Variants in FCSK observed in about 807,000 individuals in gnomAD.
The protein encoded by FCSK is L-fucose kinase.
A neutral mutation model predicts 122.5 loss-of-function variants in FCSK; 123 were observed. The observed-to-expected ratio is 1.00, with a 90% CI of 0.87 to 1.17. The LOEUF (loss-of-function observed/expected upper bound fraction) is 1.17. FCSK is among the 50% of genes most tolerant of loss of function. The probability of loss-of-function intolerance (pLI) is 0.00; values close to 1 mark genes in which losing one functional copy is unlikely to be tolerated. For synonymous variants in FCSK, 620 were observed against 625.5 expected (o/e 0.99, Z 0.13); for missense variants, 1,366 against 1,450.4 (o/e 0.94, Z 0.95).
Position 70,455,582 on chromosome 16 carries a change from G to A in FCSK, c.-23+952G>A, listed in dbSNP as rs1239335837. On this transcript the variant is annotated intron_variant, in intron 1 of 23. Transcript: ENST00000288078. ...GACCTCTTGAGATTGTGTAACTCCA[G>A]CAAACTATTAATTAAAAAAAAAAAA... Among the ~76,000 whole-genome samples, 7 of 148,152 alleles carry A rather than the reference G, an allele frequency of 4.7e-5. No individual in the cohort carries two copies. In the East Asian group the frequency reaches 1.2e-3, roughly 25 times the overall value.
chr16:70,475,873 A>G lies in FCSK; in HGVS notation c.2641+106A>G, dbSNP rs1396908493. The G allele has an allele frequency of 2.6e-6, 3 of 1,174,942 alleles. No homozygotes were observed. In the Admixed American group the frequency reaches 9.4e-5, roughly 37 times the overall value. 72.8% of individuals were successfully genotyped at this position (1,174,942 alleles called of 1,614,324 possible). The stretch of plus-strand genomic sequence containing the variant: ...TGCATGTGATTGGCCAACAGCCACA[A>G]GACTGTGCTGCTGTTGGAAATACTT... On this transcript the variant is annotated intron_variant, in intron 20 of 23. Coordinates refer to ENST00000288078, the MANE Select transcript of FCSK (RefSeq NM_145059.3).
chr16:70,478,536 C>T lies in FCSK; in HGVS notation c.2830-15C>T. ...GCCTGGGTCCTCACCACCCCTTCTC[C>T]TGCCCCGTCCGCAGGATGTGCTGAG... is the stretch of plus-strand genomic sequence containing the variant. On this transcript the variant is annotated splice_polypyrimidine_tract_variant and intron_variant, in intron 21 of 23. Coordinates refer to ENST00000288078, the MANE Select transcript of FCSK (RefSeq NM_145059.3). 6.2e-7 allele frequency: 1 copy of T among 1,613,598 alleles called. No individual in the cohort carries two copies.
intron 3 of FCSK, among the ~76,000 whole-genome samples, chr16:70,464,386 T>C (rs1334128578): frequency 6.6e-6 from 1 of 152,070 alleles, no homozygotes; most frequent in East Asian, 1.9e-4. Context: ...GCGCGGTGGC[T>C]CATGCCTTTA....
At chr16:70,462,014 C>A (rs1023748987) in intron 1 of FCSK, among the ~76,000 whole-genome samples, 1 of 152,188 alleles carries the variant, frequency 6.6e-6, no homozygotes. Context: ...GCGGCCCATC[C>A]ATGCGAGGGA....
At chr16:70,466,288 G>A (rs377191931) in intron 5 of FCSK, 31 bp downstream of exon 5, 132 of 1,611,802 alleles carry the variant, frequency 8.2e-5, no homozygotes, top group Middle Eastern at 6.6e-4. Flanking sequence ...GTGGTGCCTC[G>A]TCCCAGATAG....
intron 10 of FCSK, among the ~76,000 whole-genome samples, chr16:70,469,548 T>TG (rs1226253145): frequency 6.6e-6 from 1 of 152,130 alleles, no homozygotes; most frequent in Non-Finnish European, 1.5e-5. Context: ...TTCTGTTTTT[T>TG]TTTGTTTGTT....
chr16:70,455,541 G>C (rs1393797063), intron 1 of FCSK, among the ~76,000 whole-genome samples: 1 of 151,600 alleles, frequency 6.6e-6, no homozygotes, highest in Non-Finnish European at 1.5e-5. Flanking sequence ...TAGGGCCTTA[G>C]GGCACACTTT....
rs375279552 is a variant in FCSK at position 70,466,309 on chromosome 16, C to T, written c.411+52C>T. 8.6e-5 allele frequency: 138 copies of T among 1,604,276 alleles called. 1 individual carries two copies. The African/African-American group carries it at 1.5e-3, about 18-fold the overall frequency. Reference sequence around the variant, plus strand: ...CCTCGTCCCAGATAGAGCCACTTCCCTCCCACTGTTCCCCCAGGTATGATC... The same window carrying T: ...CCTCGTCCCAGATAGAGCCACTTCCTTCCCACTGTTCCCCCAGGTATGATC... On this transcript the variant is annotated intron_variant, in intron 5 of 23. Coordinates refer to ENST00000288078, the MANE Select transcript of FCSK (RefSeq NM_145059.3).
chr16:70,478,389 T>A lies in FCSK; in HGVS notation c.2759T>A (p.Val920Asp). The A allele has an allele frequency of 3.7e-6, 6 of 1,614,188 alleles. No individual in the cohort carries two copies. The highest frequency in any genetic ancestry group is 5.1e-6 in the Non-Finnish European group (6 of 1,180,046). Residue 920 changes from valine to aspartate, a missense_variant, in exon 21 of 24, where the codon GTC (valine) becomes GAC (aspartate). Val to Asp is a radical substitution (Grantham distance 152). Transcript: ENST00000288078. ...GAGGTCACGGTGCCTGAGGGCTTTGTCCAGAAGCTCAATGACCACCTGCTC... is the reference window on the plus strand; with the variant it reads ...GAGGTCACGGTGCCTGAGGGCTTTGACCAGAAGCTCAATGACCACCTGCTC... ...VEEVTVPEGF[V>D]QKLNDHLLLV...
intron 3 of FCSK, 62 bp from the exon 4 acceptor site, chr16:70,465,064 G>T: frequency 6.2e-7 from 1 of 1,603,064 alleles, no homozygotes; most frequent in East Asian, 2.2e-5. Context: ...TGGATTCGAG[G>T]GTGCCATCCT....
chr16:70,470,991 C>T lies in FCSK; in HGVS notation c.1089C>T (p.Ala363=), dbSNP rs779769367. The T allele has an allele frequency of 3.9e-5, 62 of 1,595,068 alleles. No homozygotes were observed. Among genetic ancestry groups the T allele is most frequent in the East Asian group, 6.7e-5 (3 of 44,476 alleles). Residue 363 remains alanine (A), a synonymous_variant, in exon 12 of 24, where the codon GCC becomes GCT. Transcript: ENST00000288078. ...SQVEEQQLLA[A]GSSVVSCLLE... ...CACAGGAGCAGCAGCTTCTGGCGGCCGGGAGCTCTGTGGTCAGCTGCCTGC... is the reference window on the plus strand; with the variant it reads ...CACAGGAGCAGCAGCTTCTGGCGGCTGGGAGCTCTGTGGTCAGCTGCCTGC...
chr16:70,478,762 T>A, intron 22 of FCSK, 112 bp downstream of exon 22: 1 of 878,926 alleles, frequency 1.1e-6, no homozygotes, highest in Non-Finnish European at 1.8e-6. Context: ...ATATTCGGCC[T>A]CTGGGAACAG....
At chr16:70,466,760 TG>T in intron 5 of FCSK, 121 bp from the exon 6 acceptor site, 1 of 772,886 alleles carries the variant, frequency 1.3e-6, no homozygotes. Flanking sequence ...AGAGAGTGGG[TG>T]GGGGCAGACC....
intron 15 of FCSK, 96 bp from the exon 16 acceptor site, chr16:70,474,033 G>A: frequency 8.7e-7 from 1 of 1,147,944 alleles, no homozygotes; most frequent in Non-Finnish European, 1.2e-6. Context: ...GGTGTGAGGG[G>A]TCTGGCGCAT....
chr16:70,477,440 C>T (rs918243357), intron 20 of FCSK: 5 of 152,172 alleles, frequency 3.3e-5, no homozygotes, highest in African/African-American at 1.2e-4. Context: ...CCTTGGCCTC[C>T]CAAAGTGCTG....
At chr16:70,461,015 C>A (rs1400746135) in intron 1 of FCSK, among the ~76,000 whole-genome samples, 1 of 152,204 alleles carries the variant, frequency 6.6e-6, no homozygotes, top group African/African-American at 2.4e-5. Flanking sequence ...GGATCTCTAG[C>A]TGGAATTTCC....
chr16:70,472,960 A>G lies in FCSK; in HGVS notation c.1407-23A>G, dbSNP rs746320019. The G allele has an allele frequency of 3.8e-6, 6 of 1,587,134 alleles. No homozygotes were observed. In the Admixed American group the frequency reaches 1.1e-4, roughly 28 times the overall value. ...CTGGAGCTTTTGCTTCCCTCCTGGG[A>G]ATGTGCCTTCTCCCCACATCAGAGC... On this transcript the variant is annotated intron_variant, in intron 14 of 23. Transcript: ENST00000288078.
rs35217051 is a variant in FCSK at position 70,458,163 on chromosome 16, C to CT, written c.-23+3547dup. 7.7e-3 allele frequency among the ~76,000 whole-genome samples: 1,082 copies of CT among 140,320 alleles called. 15 individuals are homozygous for CT. Among genetic ancestry groups the CT allele is most frequent in the African/African-American group, 0.022 (862 of 38,646 alleles). The allele number at this position is 140,320 out of a possible 152,430, so 92.1% of individuals were successfully genotyped here. A position where few individuals can be genotyped will look rare whatever the true frequency, so the allele number is the denominator to read the frequency against. ...ATTAATTTTTTTTCTTTCTTTCTTT[C>CT]TTTTTTTTTTTTTTGAGACAAAGTC... On this transcript the variant is annotated intron_variant, in intron 1 of 23. Coordinates refer to ENST00000288078, the MANE Select transcript of FCSK (RefSeq NM_145059.3).
intron 5 of FCSK, 44 bp downstream of exon 5, chr16:70,466,301 C>T (rs1307308404): frequency 1.2e-6 from 2 of 1,606,970 alleles, no homozygotes; most frequent in Non-Finnish European, 1.7e-6. Flanking sequence ...CCAGATAGAG[C>T]CACTTCCCTC....
Sources: allele counts gnomAD v4.1 joint callset (sites outside exome capture counted in the v4.1 genomes callset), GRCh38; gene constraint gnomAD v4.1.1; transcripts MANE v1.5; gene names NCBI Gene and HGNC (gene_info 2026-07-23, HGNC 2026-07-21).